IGF2R: variants seen among roughly 807,000 people sequenced by gnomAD.
IGF2R encodes cation-independent mannose-6-phosphate receptor.
In IGF2R, 91 loss-of-function variants were observed where a neutral mutation model predicts 270.6. The ratio of observed to expected loss-of-function variants is 0.34; its 90% CI spans 0.28 to 0.40. The LOEUF (loss-of-function observed/expected upper bound fraction) is 0.40. Among genes scored for constraint, IGF2R ranks in the 10% least tolerant of loss-of-function variants. The pLI is 1.00. For synonymous variants in IGF2R, 1,316 were observed against 1,258.9 expected (o/e 1.05, Z -0.96); for missense variants, 2,805 against 3,188.3 (o/e 0.88, Z 2.90).
intron 9 of IGF2R, 68 bp downstream of exon 9, chr6:160,033,175 C>T (rs892831354): frequency 3.0e-5 from 36 of 1,196,166 alleles, no homozygotes; most frequent in African/African-American, 1.2e-4. Context: ...TGCACTCTGG[C>T]GCCCAGGCTA....
intron 2 of IGF2R, chr6:160,007,480 T>G (rs1784262027): frequency 6.6e-6 from 1 of 152,274 alleles, no homozygotes; most frequent in Non-Finnish European, 1.5e-5. Flanking sequence ...TGAACATGTC[T>G]TAACATATTT....
chr6:160,040,521 C>T (rs191655981), intron 10 of IGF2R, 39 bp from the exon 11 acceptor site: 1 of 1,589,296 alleles, frequency 6.3e-7, no homozygotes, highest in South Asian at 1.1e-5. Flanking sequence ...CAATTTTGGT[C>T]ACGTATGGAG....
At chr6:160,028,431 A>G (rs1339646413) in intron 6 of IGF2R, among the ~76,000 whole-genome samples, 1 of 152,276 alleles carries the variant, frequency 6.6e-6, no homozygotes, top group East Asian at 1.9e-4. Context: ...GAGGGGAAAC[A>G]GTTCAGTCCA....
At chr6:160,027,390 A>G in intron 6 of IGF2R, 76 bp downstream of exon 6, 1 of 1,474,516 alleles carries the variant, frequency 6.8e-7, no homozygotes, top group Non-Finnish European at 9.1e-7. Context: ...CTGCAGGAAC[A>G]TCCTTTTTCA....
intron 4 of IGF2R, among the ~76,000 whole-genome samples, chr6:160,014,924 A>G (rs1777251400): frequency 2.0e-5 from 3 of 152,336 alleles, no homozygotes; most frequent in Admixed American, 2.0e-4. Context: ...TTCCTCCATT[A>G]TTAGTAGAAA....
At chr6:160,103,641 C>T (rs773989115) in intron 46 of IGF2R, 105 bp from the exon 47 acceptor site, 2 of 767,998 alleles carry the variant, frequency 2.6e-6, no homozygotes, top group Non-Finnish European at 4.7e-6. Flanking sequence ...ATGCAGCCAC[C>T]ACCAGCCCCC....
chr6:159,986,402 T>TTTTG lies in IGF2R; in HGVS notation c.150-4781_150-4780insTTGT, dbSNP rs748562512. 1.4e-4 allele frequency among the ~76,000 whole-genome samples: 19 copies of TTTTG among 131,922 alleles called. No individual in the cohort carries two copies. The Admixed American group carries it at 1.4e-3, about 10-fold the overall frequency. 86.5% of individuals were successfully genotyped at this position (131,922 alleles called of 152,430 possible). On this transcript the variant is annotated intron_variant, in intron 1 of 47. Transcript: ENST00000356956. ...GTGCGCGACCATGCCTGGCTAATTT[T>TTTTG]TGTGTGTGTGTGTGTGTGTGTGTGT...
chr6:160,047,078 C>A (rs904755386), intron 15 of IGF2R, 81 bp from the exon 16 acceptor site: 1 of 1,361,086 alleles, frequency 7.3e-7, no homozygotes, highest in Non-Finnish European at 1.0e-6. Context: ...ACGTCGCTCA[C>A]GGGCCCTCCC....
chr6:160,074,037 C>A, intron 35 of IGF2R, 62 bp downstream of exon 35: 2 of 1,237,638 alleles, frequency 1.6e-6, no homozygotes, highest in Non-Finnish European at 2.3e-6. Context: ...ATAACCTTTG[C>A]GTTGTTTCTT....
chr6:160,074,623 A>T (rs1778817562), intron 35 of IGF2R, among the ~76,000 whole-genome samples: 1 of 152,144 alleles, frequency 6.6e-6, no homozygotes, highest in Non-Finnish European at 1.5e-5. Context: ...TGTCTCCATG[A>T]GTTATATTCA....
In IGF2R at chr6:160,010,340, T is replaced by C. The variant is rs8191737; in HGVS notation, c.415-347T>C. On this transcript the variant is annotated intron_variant, in intron 3 of 47. Coordinates refer to ENST00000356956, the MANE Select transcript of IGF2R (RefSeq NM_000876.4). ...ACGGGAAGCATGAGGTCACGTTTTC[T>C]GGCTTTCGTTTGCTGGCATTTGCTT... The C allele has an allele frequency of 3.5e-3, 629 of 178,388 alleles. 2 individuals carry two copies. Among genetic ancestry groups the C allele is most frequent in the Non-Finnish European group, 3.0e-3 (253 of 84,294 alleles). The allele number at this position is 178,388 out of a possible 1,614,324, so 11.1% of individuals were successfully genotyped here. A position where few individuals can be genotyped will look rare whatever the true frequency, so the allele number is the denominator to read the frequency against.
In IGF2R at chr6:160,105,406, G is replaced by A. The variant is rs1309735934; in HGVS notation, c.*322G>A. 1 of 247,762 alleles carries A rather than the reference G, an allele frequency of 4.0e-6. No homozygotes were observed. Among genetic ancestry groups the A allele is most frequent in the Non-Finnish European group, 7.8e-6 (1 of 128,974 alleles). The allele number at this position is 247,762 out of a possible 1,614,324, so 15.3% of individuals were successfully genotyped here. ...GGCTGCATTCGAAGAAACCCTTGCT[G>A]CTTTAGTCCCGATAGGGTATTTGAC... On this transcript the variant is annotated 3_prime_UTR_variant, in exon 48 of 48. Transcript: ENST00000356956.
At position 160,009,016 on chromosome 6, in the gene IGF2R, C is replaced by G. The variant is rs756743378; in HGVS notation, c.296C>G (p.Ser99Cys). 8.7e-6 allele frequency: 14 copies of G among 1,613,844 alleles called. No individual in the cohort carries two copies. Among genetic ancestry groups the G allele is most frequent in the Non-Finnish European group, 1.2e-5 (14 of 1,179,904 alleles). ...CTCTTTTCTCTCCAAATAGGTGACT[C>G]TGTTTTGAGAAGTGCAACCAGATCT... is the stretch of plus-strand genomic sequence containing the variant. Reference protein sequence around the residue: ...KTRTYHSVGDSVLRSATRSLL... With the variant: ...KTRTYHSVGDCVLRSATRSLL... Residue 99 changes from serine to cysteine, a missense_variant, in exon 3 of 48, where the codon TCT becomes TGT. This residue lies in a region of IGF2R where 954 missense variants were observed against 981.1 expected (regional missense o/e 0.97). Coordinates refer to ENST00000356956, the MANE Select transcript of IGF2R (RefSeq NM_000876.4).
chr6:160,055,061 TGGCCCATGCTCTCTGCGGGA>T (rs1482715516), intron 19 of IGF2R, among the ~76,000 whole-genome samples: 5 of 152,178 alleles, frequency 3.3e-5, no homozygotes, highest in Admixed American at 6.5e-5. Context: ...AGGCTGAGCT[TGGCCCATGCTCTCTGCGGGA>T]GGTGTTCTAC....
intron 1 of IGF2R, among the ~76,000 whole-genome samples, chr6:159,976,316 C>G (rs1257428971): frequency 6.6e-6 from 1 of 152,038 alleles, no homozygotes; most frequent in East Asian, 1.9e-4. Flanking sequence ...GCATGCTACT[C>G]TCATATTTTT....
At chr6:160,087,218 G>T (rs1298279012) in intron 41 of IGF2R, among the ~76,000 whole-genome samples, 1 of 152,214 alleles carries the variant, frequency 6.6e-6, no homozygotes, top group Non-Finnish European at 1.5e-5. Flanking sequence ...TCTGTTTCTG[G>T]CTTTTCACTT....
At chr6:160,091,462 A>G (rs1779224703) in intron 44 of IGF2R, among the ~76,000 whole-genome samples, 1 of 152,184 alleles carries the variant, frequency 6.6e-6, no homozygotes, top group African/African-American at 2.4e-5. Flanking sequence ...AAGCTGGGTC[A>G]GCATCGCTGC....
At chr6:160,096,313 C>T (rs8191932) in intron 44 of IGF2R, 126 bp from the exon 45 acceptor site, 42 of 771,842 alleles carry the variant, frequency 5.4e-5, no homozygotes, top group African/African-American at 4.0e-4. Flanking sequence ...GCCTGTGGGA[C>T]GTGGGATGAA....
chr6:160,006,432 C>T lies in IGF2R; in HGVS notation c.290-2578C>T, dbSNP rs554681790. ...GGGAGCTGTCCAGGCGCGGAGCTGT[C>T]CAGGCGCGGGAGCTGTCCAGGCGCG... On this transcript the variant is annotated intron_variant, in intron 2 of 47. Coordinates refer to ENST00000356956, the MANE Select transcript of IGF2R (RefSeq NM_000876.4). 1.0e-3 allele frequency: 145 copies of T among 143,158 alleles called. 2 individuals carry two copies. Among genetic ancestry groups the T allele is most frequent in the Middle Eastern group, 7.1e-3 (2 of 282 alleles). 8.9% of individuals were successfully genotyped at this position (143,158 alleles called of 1,614,324 possible). A position where few individuals can be genotyped will look rare whatever the true frequency, so the allele number is the denominator to read the frequency against.
Sources: allele counts gnomAD v4.1 joint callset (sites outside exome capture counted in the v4.1 genomes callset), GRCh38; gene constraint gnomAD v4.1.1; regional missense constraint gnomAD v4.1.1; transcripts MANE v1.5; gene names NCBI Gene and HGNC (gene_info 2026-07-23, HGNC 2026-07-21).